The following BRDT variants were observed in gnomAD, a reference collection of about 807,000 sequenced individuals.
BRDT encodes the protein bromodomain testis-specific protein.
A neutral mutation model predicts 113.9 loss-of-function variants in BRDT; 77 were observed. The ratio of observed to expected loss-of-function variants is 0.68; its 90% CI spans 0.56 to 0.82. The LOEUF is 0.82. Among genes scored for constraint, BRDT ranks in the 40% least tolerant of loss-of-function variants. BRDT has a pLI of 0.00. For missense variants in BRDT, 1,027 were observed against 1,105.4 expected (o/e 0.93, Z 1.01); for synonymous variants, 358 against 366.5 (o/e 0.98, Z 0.26).
intron 1 of BRDT, among the ~76,000 whole-genome samples, chr1:91,961,472 AAT>A (rs1682434715): frequency 6.6e-6 from 1 of 152,046 alleles, no homozygotes; most frequent in African/African-American, 2.4e-5. Flanking sequence ...TCTACAAAAA[AAT>A]ACAAAAATTA....
chr1:91,994,456 TAAAAGAAAG>T, intron 15 of BRDT, among the ~76,000 whole-genome samples: 1 of 152,136 alleles, frequency 6.6e-6, no homozygotes, highest in East Asian at 1.9e-4. Flanking sequence ...TCATTATATT[TAAAAGAAAG>T]AAAATTATGT....
chr1:92,010,751 G>GT lies in BRDT; in HGVS notation c.2776-3447dup, dbSNP rs199963552. Among the ~76,000 whole-genome samples, 1,325 of 151,890 alleles carry GT rather than the reference G, an allele frequency of 8.7e-3. 14 individuals carry two copies. The highest frequency in any genetic ancestry group is 0.021 in the African/African-American group (885 of 41,436). On this transcript the variant is annotated intron_variant, in intron 18 of 18. Transcript: ENST00000399546. ...TTTGGGTTTATTAAAAATGTGTGTG[G>GT]TTTTTTTTATCTCTATTAAACTGCT... is the stretch of plus-strand genomic sequence containing the variant.
In BRDT at chr1:91,980,691, C is replaced by T. The variant is rs1436817427; in HGVS notation, c.1336C>T (p.Arg446Cys). The change falls in exon 9 of 19, where the codon CGT (arginine) becomes TGT (cysteine). Residue 446 changes from arginine to cysteine, a missense_variant. Physicochemically the swap from Arg to Cys is radical, Grantham distance 180 (BLOSUM62 -3). Coordinates refer to ENST00000399546, the MANE Select transcript of BRDT (RefSeq NM_207189.4). ...QLQVLSQVPF[R>C]KLNKKKEKSK... is the part of the protein sequence containing the mutation. ...CCAGGTTTTGTCCCAAGTACCTTTC[C>T]GTAAGCTAAATAAAAAGAAAGAGAA... The T allele has an allele frequency of 1.1e-5, 18 of 1,601,380 alleles. No individual in the cohort carries two copies. Among genetic ancestry groups the T allele is most frequent in the Admixed American group, 1.7e-5 (1 of 57,150 alleles).
At chr1:91,998,094 A>T (rs963031959) in intron 15 of BRDT, among the ~76,000 whole-genome samples, 2 of 152,058 alleles carry the variant, frequency 1.3e-5, no homozygotes, top group Non-Finnish European at 2.9e-5. Flanking sequence ...TTTTTTCCTT[A>T]TAAGTTGAAG....
chr1:91,950,708 T>TA (rs1553181943), intron 1 of BRDT: 5 of 141,714 alleles, frequency 3.5e-5, no homozygotes, highest in Admixed American at 7.1e-5. Context: ...TTTTTTTTTT[T>TA]AATACAGATA....
At position 92,004,461 on chromosome 1, in the gene BRDT, A is replaced by C. The variant is rs578001864; in HGVS notation, c.2436A>C (p.Pro812=). 25 of 1,610,908 alleles carry C rather than the reference A, an allele frequency of 1.6e-5. No individual in the cohort carries two copies. In the South Asian group the frequency reaches 2.6e-4, roughly 16 times the overall value. ...ATTCATGGAAAAGTTTAGGCAAACC[A>C]GTGAAACCATCAGGTGTAATGAAAT... The part of the protein sequence containing the change: ...NADSWKSLGK[P]VKPSGVMKSS... The change falls in exon 17 of 19, where the codon CCA becomes CCC. Residue 812 remains proline (P), a synonymous_variant. Coordinates refer to ENST00000399546, the MANE Select transcript of BRDT (RefSeq NM_207189.4).
At chr1:91,998,382 G>A (rs914295343) in intron 15 of BRDT, among the ~76,000 whole-genome samples, 5 of 152,118 alleles carry the variant, frequency 3.3e-5, no homozygotes, top group Non-Finnish European at 5.9e-5. Context: ...CAGAGGGGTA[G>A]CATTAGGAAA....
intron 4 of BRDT, among the ~76,000 whole-genome samples, chr1:91,970,082 G>A (rs1253498273): frequency 6.6e-6 from 1 of 151,938 alleles, no homozygotes; most frequent in East Asian, 1.9e-4. Flanking sequence ...CACCTGCCTT[G>A]GCCTCCCAAA....
At chr1:91,967,360 T>C (rs1446582880) in intron 3 of BRDT, among the ~76,000 whole-genome samples, 3 of 151,354 alleles carry the variant, frequency 2.0e-5, no homozygotes, top group Non-Finnish European at 2.9e-5. Flanking sequence ...CTCAGCCTCC[T>C]GAGTAGCTGG....
chr1:91,985,862 T>C (rs1185673147), intron 12 of BRDT, among the ~76,000 whole-genome samples: 2 of 151,740 alleles, frequency 1.3e-5, no homozygotes, highest in African/African-American at 2.4e-5. Flanking sequence ...ATGGTCTCGA[T>C]CTCCTGACCT....
At chr1:91,969,862 C>G (rs1228586215) in intron 4 of BRDT, among the ~76,000 whole-genome samples, 1 of 120,838 alleles carries the variant, frequency 8.3e-6, no homozygotes, top group Non-Finnish European at 1.6e-5. Flanking sequence ...GAGTTTCACT[C>G]TCGTTGCCCA....
At chr1:91,963,688 G>A (rs530851139) in intron 2 of BRDT, among the ~76,000 whole-genome samples, 1 of 152,036 alleles carries the variant, frequency 6.6e-6, no homozygotes, top group Non-Finnish European at 1.5e-5. Context: ...TTATTCTATG[G>A]AGTCAGACTC....
At position 91,981,183 on chromosome 1, in the gene BRDT, G is replaced by GTA; in HGVS notation, c.1750+7_1750+8dup. The stretch of plus-strand genomic sequence containing the variant: ...AGAGACCATTAAAACCTCCTGGTAT[G>GTA]TATTTCTGCATATTAATAGAAATCG... On this transcript the variant is annotated splice_donor_region_variant and intron_variant, in intron 10 of 18. Coordinates refer to ENST00000399546, the MANE Select transcript of BRDT (RefSeq NM_207189.4). 6.2e-7 allele frequency: 1 copy of GTA among 1,607,592 alleles called. No individual in the cohort carries two copies. Among genetic ancestry groups the GTA allele is most frequent in the South Asian group, 1.1e-5 (1 of 89,552 alleles).
chr1:92,013,611 T>A (rs576957964), intron 18 of BRDT, among the ~76,000 whole-genome samples: 6 of 152,356 alleles, frequency 3.9e-5, no homozygotes, highest in African/African-American at 1.4e-4. Context: ...TAATTAGCTT[T>A]TTCTCTACTT....
chr1:91,993,698 C>T (rs1686009440), intron 14 of BRDT, among the ~76,000 whole-genome samples: 1 of 152,032 alleles, frequency 6.6e-6, no homozygotes, highest in African/African-American at 2.4e-5. Context: ...GAATTGGTCT[C>T]TAGATTTGCT....
chr1:91,979,028 A>AC (rs1553189992), intron 7 of BRDT, among the ~76,000 whole-genome samples: 19 of 149,794 alleles, frequency 1.3e-4, no homozygotes, highest in East Asian at 5.9e-4. Context: ...AACAACAACA[A>AC]AAAAAACCCT....
At chr1:91,991,924 A>G (rs1351763618) in intron 13 of BRDT, among the ~76,000 whole-genome samples, 1 of 143,264 alleles carries the variant, frequency 7.0e-6, no homozygotes, top group Non-Finnish European at 1.5e-5. Flanking sequence ...CCCGGGAGGC[A>G]GAGCTTCCAG....
At chr1:91,951,039 G>A (rs34336873) in intron 1 of BRDT, among the ~76,000 whole-genome samples, 287 of 15,304 alleles carry the variant, frequency 0.019, 1 homozygote, top group Middle Eastern at 0.17. Flanking sequence ...AAAAAAAAAA[G>A]AGATGGTCCT....
intron 1 of BRDT, among the ~76,000 whole-genome samples, chr1:91,958,037 C>A (rs1413816602): frequency 2.0e-5 from 3 of 152,038 alleles, no homozygotes; most frequent in African/African-American, 7.2e-5. Flanking sequence ...ACAGGGAAGT[C>A]TCACCATGTT....
Sources: gnomAD v4.1 joint callset for allele counts (sites outside exome capture counted in the v4.1 genomes callset) on GRCh38, gnomAD v4.1.1 for gene constraint, MANE v1.5 for transcripts, NCBI Gene and HGNC (gene_info 2026-07-23, HGNC 2026-07-21) for gene names.